GLIS3: variants seen among roughly 807,000 people sequenced by gnomAD.
GLIS3 encodes zinc finger protein GLIS3.
A neutral mutation model predicts 78.6 loss-of-function variants in GLIS3; 53 were observed. The observed-to-expected ratio is 0.67, with a 90% CI of 0.54 to 0.85. The LOEUF (loss-of-function observed/expected upper bound fraction) is 0.85, where lower values mean the gene tolerates loss of function less well. Among genes scored for constraint, GLIS3 ranks in the 40% least tolerant of loss-of-function variants. GLIS3 has a pLI of 0.00. For synonymous variants in GLIS3, 684 were observed against 509.9 expected (o/e 1.34, Z -4.60); for missense variants, 1,703 against 1,231.1 (o/e 1.38, Z -5.74).
chr9:3,942,469 G>A lies in GLIS3; in HGVS notation c.1711-5280C>T, dbSNP rs567848169. The stretch of plus-strand genomic sequence containing the variant: ...TTCTAATCCTGCAGATACTGTCAAA[G>A]TGACTTCCACAATAAGTCCAAGAGT... On this transcript the variant is annotated intron_variant, in intron 4 of 10. Transcript: ENST00000381971. 1.5e-3 allele frequency among the ~76,000 whole-genome samples: 227 copies of A among 152,302 alleles called. 1 individual carries two copies. Among genetic ancestry groups the A allele is most frequent in the African/African-American group, 5.0e-3 (209 of 41,562 alleles).
chr9:4,070,600 G>T (rs1421419353), intron 4 of GLIS3, among the ~76,000 whole-genome samples: 1 of 152,096 alleles, frequency 6.6e-6, no homozygotes, highest in Non-Finnish European at 1.5e-5. Flanking sequence ...TATGTGGGTA[G>T]TGAGTATGTA....
At chr9:4,396,065 C>A in the GLIS3 span, among the ~76,000 whole-genome samples, 1 of 151,844 alleles carries the variant, frequency 6.6e-6, no homozygotes, top group Non-Finnish European at 1.5e-5. Context: ...AGCCACTGCG[C>A]CTAGCCTGGT....
chr9:4,166,407 G>A (rs1815841744), intron 2 of GLIS3, among the ~76,000 whole-genome samples: 1 of 152,120 alleles, frequency 6.6e-6, no homozygotes, highest in African/African-American at 2.4e-5. Context: ...GGCAGATGGG[G>A]GCCTCGAGCT....
intron 4 of GLIS3, among the ~76,000 whole-genome samples, chr9:4,023,579 T>C (rs1823060183): frequency 6.6e-6 from 1 of 152,092 alleles, no homozygotes; most frequent in South Asian, 2.1e-4. Flanking sequence ...TGTTAGATTT[T>C]GTGGCCCACA....
At chr9:4,169,861 T>C (rs1385177665) in intron 2 of GLIS3, among the ~76,000 whole-genome samples, 3 of 152,114 alleles carry the variant, frequency 2.0e-5, no homozygotes, top group Non-Finnish European at 4.4e-5. Flanking sequence ...TGAAATTATA[T>C]CAAAATTAAA....
intron 8 of GLIS3, among the ~76,000 whole-genome samples, chr9:3,864,126 G>C (rs760935780): frequency 6.6e-6 from 1 of 151,998 alleles, no homozygotes; most frequent in South Asian, 2.1e-4. Flanking sequence ...CTAGACATTT[G>C]ATGTAAAAAA....
intron 2 of GLIS3, among the ~76,000 whole-genome samples, chr9:4,334,285 AG>A (rs1817722994): frequency 6.6e-6 from 1 of 152,222 alleles, no homozygotes; most frequent in Admixed American, 6.5e-5. Context: ...TATAACATTC[AG>A]TCCTTCTACA....
the GLIS3 span, among the ~76,000 whole-genome samples, chr9:4,418,218 ACT>A: frequency 1.3e-5 from 2 of 152,162 alleles, no homozygotes; most frequent in Non-Finnish European, 2.9e-5. Context: ...TGAAAGTTAA[ACT>A]CTGCTAGAGA....
the GLIS3 span, among the ~76,000 whole-genome samples, chr9:4,437,797 C>T: frequency 6.6e-6 from 1 of 152,158 alleles, no homozygotes; most frequent in African/African-American, 2.4e-5. Flanking sequence ...AGGGTGAGGA[C>T]CTTTAAGATG....
chr9:4,117,124 C>T (rs1831711998), intron 4 of GLIS3, among the ~76,000 whole-genome samples: 1 of 152,156 alleles, frequency 6.6e-6, no homozygotes, highest in Non-Finnish European at 1.5e-5. Context: ...TGCTCTTTCT[C>T]CTCATATCTC....
chr9:4,255,970 T>A (rs10814900), intron 2 of GLIS3, among the ~76,000 whole-genome samples: 1 of 151,960 alleles, frequency 6.6e-6, no homozygotes, highest in Non-Finnish European at 1.5e-5. Context: ...AGGGAGTATA[T>A]GGGAAATCTC....
the GLIS3 span, among the ~76,000 whole-genome samples, chr9:4,370,505 A>T: frequency 2.6e-5 from 4 of 152,202 alleles, no homozygotes; most frequent in African/African-American, 9.6e-5. Context: ...TCATTATTCC[A>T]AATTGTCAAG....
chr9:4,389,590 C>A, the GLIS3 span, among the ~76,000 whole-genome samples: 1 of 152,114 alleles, frequency 6.6e-6, no homozygotes, highest in Non-Finnish European at 1.5e-5. Flanking sequence ...GAATCTAAAT[C>A]AAAATAACCA....
At chr9:4,422,468 T>C in the GLIS3 span, among the ~76,000 whole-genome samples, 1 of 152,174 alleles carries the variant, frequency 6.6e-6, no homozygotes. Flanking sequence ...GGATTTGGGG[T>C]TAGTGGGCTA....
chr9:4,272,639 T>C (rs1042393113), intron 2 of GLIS3, among the ~76,000 whole-genome samples: 1 of 152,236 alleles, frequency 6.6e-6, no homozygotes, highest in African/African-American at 2.4e-5. Flanking sequence ...AGCTGTTTTA[T>C]TTTCAACTCT....
intron 2 of GLIS3, among the ~76,000 whole-genome samples, chr9:4,187,897 C>T (rs894103459): frequency 6.6e-6 from 1 of 151,876 alleles, no homozygotes; most frequent in African/African-American, 2.4e-5. Flanking sequence ...ACATTTTGGG[C>T]GGAGACCATG....
chr9:3,912,276 G>C (rs368773358), intron 6 of GLIS3, among the ~76,000 whole-genome samples: 14 of 152,240 alleles, frequency 9.2e-5, no homozygotes, highest in African/African-American at 3.4e-4. Context: ...TTGCTTATTA[G>C]CCTCAGAACT....
At chr9:4,234,109 A>C (rs182944520) in intron 2 of GLIS3, among the ~76,000 whole-genome samples, 1 of 149,892 alleles carries the variant, frequency 6.7e-6, no homozygotes, top group East Asian at 1.9e-4. Flanking sequence ...CAGACCACTC[A>C]AACTTTCTCC....
At chr9:4,450,216 G>C in the GLIS3 span, among the ~76,000 whole-genome samples, 1 of 152,132 alleles carries the variant, frequency 6.6e-6, no homozygotes, top group East Asian at 1.9e-4. Context: ...AACTTCAATA[G>C]CCGATTCAAT....
Sources: allele counts gnomAD v4.1 joint callset (sites outside exome capture counted in the v4.1 genomes callset), GRCh38; gene constraint gnomAD v4.1.1; transcripts MANE v1.5; gene names NCBI Gene and HGNC (gene_info 2026-07-23, HGNC 2026-07-21).